Variants in THADA observed in about 807,000 individuals in gnomAD.
The protein encoded by THADA is THADA armadillo repeat containing.
In THADA, 213 loss-of-function variants were observed where a neutral mutation model predicts 219.8. The observed-to-expected ratio is 0.97, with a 90% CI of 0.87 to 1.09. The LOEUF is 1.09. Ranked by LOEUF, THADA falls within the 50% of genes least tolerant of loss-of-function variation. The pLI is 0.00. For missense variants in THADA, 2,956 were observed against 2,311.3 expected (o/e 1.28, Z -5.72); for synonymous variants, 1,018 against 828.9 (o/e 1.23, Z -3.92).
In THADA at chr2:43,566,340, A is replaced by G. The variant is rs112551781; in HGVS notation, c.2311+358T>C. 1.6e-4 allele frequency: 94 copies of G among 583,124 alleles called. 2 individuals carry two copies. Among genetic ancestry groups the G allele is most frequent in the African/African-American group, 1.3e-3 (67 of 52,488 alleles). 36.1% of individuals were successfully genotyped at this position (583,124 alleles called of 1,614,324 possible). A position where few individuals can be genotyped will look rare whatever the true frequency, so the allele number is the denominator to read the frequency against. On this transcript the variant is annotated intron_variant, in intron 15 of 37. Transcript: ENST00000405975. Reference sequence around the variant, plus strand: ...ACAGAGACTCACTGAGAAATATTAAATATAATAGAAGCTATTATTATTTCA... The same window carrying G: ...ACAGAGACTCACTGAGAAATATTAAGTATAATAGAAGCTATTATTATTTCA...
chr2:43,390,837 C>T (rs1017422112), intron 29 of THADA, among the ~76,000 whole-genome samples: 2 of 152,108 alleles, frequency 1.3e-5, no homozygotes, highest in Admixed American at 6.6e-5. Context: ...TAGCAGTTGT[C>T]GAATGAATAA....
chr2:43,571,949 A>C (rs915796338), intron 12 of THADA, 87 bp from the exon 13 acceptor site: 2 of 1,278,422 alleles, frequency 1.6e-6, no homozygotes, highest in African/African-American at 3.0e-5. Flanking sequence ...CATAGGCTAC[A>C]AAAGGAAAAA....
intron 24 of THADA, among the ~76,000 whole-genome samples, chr2:43,502,423 A>G (rs1219558231): frequency 6.6e-6 from 1 of 152,060 alleles, no homozygotes; most frequent in African/African-American, 2.4e-5. Flanking sequence ...CGTCTCTACT[A>G]AAAATATAAA....
At chr2:43,362,638 A>T (rs773238791) in intron 29 of THADA, among the ~76,000 whole-genome samples, 22 of 152,294 alleles carry the variant, frequency 1.4e-4, no homozygotes, top group Non-Finnish European at 2.5e-4. Flanking sequence ...ATCATTGTAC[A>T]CCACCGTAGA....
At chr2:43,408,299 T>C (rs1056684532) in intron 28 of THADA, 11 of 152,202 alleles carry the variant, frequency 7.2e-5, no homozygotes, top group African/African-American at 2.7e-4. Flanking sequence ...AAGTATAGTA[T>C]TGATTTTGTG....
chr2:43,484,978 G>A, intron 26 of THADA, among the ~76,000 whole-genome samples: 1 of 151,084 alleles, frequency 6.6e-6, no homozygotes, highest in African/African-American at 2.4e-5. Flanking sequence ...GCTTTTGCAT[G>A]GAGAAACAAG....
At chr2:43,258,297 C>A (rs972407216) in intron 36 of THADA, among the ~76,000 whole-genome samples, 1 of 151,856 alleles carries the variant, frequency 6.6e-6, no homozygotes, top group Non-Finnish European at 1.5e-5. Flanking sequence ...CTGAGGTGGG[C>A]GGATCACCTG....
chr2:43,274,771 G>GAA (rs1236674480), intron 36 of THADA, among the ~76,000 whole-genome samples: 1 of 151,858 alleles, frequency 6.6e-6, no homozygotes, highest in African/African-American at 2.4e-5. Flanking sequence ...AGTATTCCAA[G>GAA]AAAAAGAGCC....
chr2:43,557,250 C>A (rs544121864), intron 16 of THADA, among the ~76,000 whole-genome samples: 171 of 152,322 alleles, frequency 1.1e-3, no homozygotes, highest in Non-Finnish European at 2.0e-3. Flanking sequence ...AAATTCAACA[C>A]TGATAAAACC....
chr2:43,593,729 G>A (rs1701834298), intron 1 of THADA, among the ~76,000 whole-genome samples: 3 of 151,656 alleles, frequency 2.0e-5, no homozygotes, highest in Non-Finnish European at 4.4e-5. Flanking sequence ...AGCCTCCTGG[G>A]TTCAGGCCAT....
intron 26 of THADA, among the ~76,000 whole-genome samples, chr2:43,436,012 T>C (rs1439292652): frequency 6.6e-6 from 1 of 151,978 alleles, no homozygotes; most frequent in East Asian, 1.9e-4. Flanking sequence ...CCACCTGGAT[T>C]CTCTTAAAAG....
At chr2:43,564,366 TC>T (rs1388780907) in intron 15 of THADA, 1 of 152,264 alleles carries the variant, frequency 6.6e-6, no homozygotes, top group Admixed American at 6.5e-5. Flanking sequence ...TAAAATCTGT[TC>T]CTTGCCTCTT....
At chr2:43,315,122 C>G (rs1018317760) in intron 31 of THADA, among the ~76,000 whole-genome samples, 3 of 152,160 alleles carry the variant, frequency 2.0e-5, no homozygotes, top group African/African-American at 7.2e-5. Flanking sequence ...AGATGCTCCT[C>G]CATCCAAAAA....
chr2:43,381,386 T>TC (rs1408118427), intron 29 of THADA, among the ~76,000 whole-genome samples: 14 of 151,830 alleles, frequency 9.2e-5, no homozygotes, highest in Admixed American at 7.2e-4. Context: ...ATGTCAATAC[T>TC]CCCCCCACCC....
At chr2:43,523,180 C>T (rs1226430092) in intron 22 of THADA, among the ~76,000 whole-genome samples, 1 of 151,960 alleles carries the variant, frequency 6.6e-6, no homozygotes, top group Non-Finnish European at 1.5e-5. Context: ...GCCTAAGCAA[C>T]ATGGCGAAAC....
chr2:43,351,355 C>T (rs1370135235), intron 29 of THADA, among the ~76,000 whole-genome samples: 1 of 152,164 alleles, frequency 6.6e-6, no homozygotes, highest in Non-Finnish European at 1.5e-5. Context: ...TTCGTAACAA[C>T]TTACAAATGC....
chr2:43,551,303 T>A (rs879315888), intron 19 of THADA, among the ~76,000 whole-genome samples: 106 of 152,322 alleles, frequency 7.0e-4, no homozygotes, highest in Non-Finnish European at 2.9e-4. Flanking sequence ...AGGTTAAGCA[T>A]CCCTTATCTG....
intron 20 of THADA, among the ~76,000 whole-genome samples, chr2:43,548,689 C>T (rs910747370): frequency 1.3e-5 from 2 of 152,120 alleles, no homozygotes; most frequent in African/African-American, 2.4e-5. Flanking sequence ...GGGATATAAT[C>T]TCCTGGTGCG....
At chr2:43,570,350 T>TA (rs756344331) in intron 14 of THADA, 38 bp downstream of exon 14, 634 of 1,521,714 alleles carry the variant, frequency 4.2e-4, no homozygotes, top group South Asian at 5.5e-4. Context: ...CTTTTTAATT[T>TA]AAAAAAAAAC....
Sources: gnomAD v4.1 joint callset for allele counts (sites outside exome capture counted in the v4.1 genomes callset) on GRCh38, gnomAD v4.1.1 for gene constraint, MANE v1.5 for transcripts, NCBI Gene and HGNC (gene_info 2026-07-23, HGNC 2026-07-21) for gene names.